MAD1L1: variants seen among roughly 807,000 people sequenced by gnomAD.
MAD1L1 encodes the protein mitotic spindle assembly checkpoint protein MAD1.
MAD1L1 carries 95 observed loss-of-function variants against 96.9 expected under a neutral mutation model. The ratio of observed to expected loss-of-function variants is 0.98; its 90% CI spans 0.83 to 1.16. The LOEUF is 1.16. Among genes scored for constraint, MAD1L1 ranks in the 50% most tolerant of loss-of-function variants. MAD1L1 has a pLI of 0.00. For synonymous variants in MAD1L1, 473 were observed against 396.6 expected (o/e 1.19, Z -2.29); for missense variants, 1,007 against 954.4 (o/e 1.06, Z -0.73).
chr7:1,902,710 C>T (rs1787323624), intron 17 of MAD1L1, among the ~76,000 whole-genome samples: 1 of 152,268 alleles, frequency 6.6e-6, no homozygotes, highest in South Asian at 2.1e-4. Flanking sequence ...CGCTGTACGT[C>T]CTGCAGTGGG....
chr7:1,918,007 G>A (rs1788522047), intron 17 of MAD1L1, among the ~76,000 whole-genome samples: 1 of 152,120 alleles, frequency 6.6e-6, no homozygotes, highest in Non-Finnish European at 1.5e-5. Flanking sequence ...AGGGGCCCAG[G>A]CAGCGCTGTA....
intron 18 of MAD1L1, chr7:1,847,731 C>T (rs932634908): frequency 4.3e-5 from 20 of 469,528 alleles, no homozygotes; most frequent in South Asian, 2.6e-4. Flanking sequence ...GCTTCGGCGT[C>T]CCTGGGCCCG....
intron 18 of MAD1L1, chr7:1,838,833 C>T (rs1783075861): frequency 2.1e-6 from 1 of 471,362 alleles, no homozygotes; most frequent in African/African-American, 2.0e-5. Context: ...TCCTGCCATC[C>T]ACAGTCCCTG....
intron 18 of MAD1L1, among the ~76,000 whole-genome samples, chr7:1,834,620 T>C (rs1271635539): frequency 1.3e-5 from 2 of 152,234 alleles, no homozygotes; most frequent in Non-Finnish European, 2.9e-5. Flanking sequence ...AAGACACCGA[T>C]GTGTAGTTAA....
chr7:1,823,211 G>GT (rs773753048), intron 18 of MAD1L1, among the ~76,000 whole-genome samples: 2 of 151,964 alleles, frequency 1.3e-5, no homozygotes, highest in Non-Finnish European at 2.9e-5. Flanking sequence ...GACACACTTA[G>GT]TTAAAAAAAA....
Position 2,222,687 on chromosome 7 carries a change from G to A in MAD1L1, c.359C>T (p.Ala120Val), listed in dbSNP as rs1005502720. The change falls in exon 5 of 19, where the codon GCG (alanine) becomes GTG (valine). Residue 120 changes from alanine to valine, a missense_variant. By Grantham distance (64) the Ala-to-Val change is moderately conservative. Transcript: ENST00000265854. ...IRQLQEREAGAEEKMQEQLER... is the reference protein window; with the variant it reads ...IRQLQEREAGVEEKMQEQLER... Reference sequence around the variant, plus strand: ...CAGCTGCTCCTGCATCTTCTCCTCCGCCCCGGCCTCCCGCTCCTGAAGCTG... The same window carrying A: ...CAGCTGCTCCTGCATCTTCTCCTCCACCCCGGCCTCCCGCTCCTGAAGCTG... 20 of 1,612,044 alleles carry A rather than the reference G, an allele frequency of 1.2e-5. No individual in the cohort carries two copies. The highest frequency in any genetic ancestry group is 3.3e-4 in the Middle Eastern group (2 of 6,078).
chr7:1,962,449 T>C (rs781570310), intron 15 of MAD1L1, among the ~76,000 whole-genome samples: 4 of 152,186 alleles, frequency 2.6e-5, no homozygotes, highest in African/African-American at 7.2e-5. Context: ...ACAGAAAACA[T>C]TGAAAAATTG....
intron 10 of MAD1L1, among the ~76,000 whole-genome samples, chr7:2,152,460 A>G (rs1230366419): frequency 6.6e-6 from 1 of 152,214 alleles, no homozygotes; most frequent in Non-Finnish European, 1.5e-5. Context: ...AAGCCTCACG[A>G]GCCCTGTCTG....
chr7:1,915,671 T>C (rs1788339666), intron 17 of MAD1L1, among the ~76,000 whole-genome samples: 1 of 152,226 alleles, frequency 6.6e-6, no homozygotes, highest in Non-Finnish European at 1.5e-5. Context: ...TGTTCAGCGT[T>C]GAGTGCTTTT....
intron 15 of MAD1L1, among the ~76,000 whole-genome samples, chr7:1,965,326 G>A (rs548660872): frequency 2.0e-4 from 30 of 152,328 alleles, no homozygotes; most frequent in Non-Finnish European, 3.4e-4. Flanking sequence ...ACAAAGCCGC[G>A]CAGACATGGC....
intron 10 of MAD1L1, among the ~76,000 whole-genome samples, chr7:2,206,140 T>A (rs1282148993): frequency 6.6e-6 from 1 of 152,020 alleles, no homozygotes; most frequent in Non-Finnish European, 1.5e-5. Context: ...TCCAAAAAAA[T>A]AAATAAATAA....
At chr7:2,225,339 G>T in intron 4 of MAD1L1, 71 bp downstream of exon 4, 1 of 1,546,998 alleles carries the variant, frequency 6.5e-7, no homozygotes. Flanking sequence ...CTTATAACCT[G>T]GCAGGTACCG....
chr7:1,958,517 C>A (rs1338710669), intron 15 of MAD1L1, among the ~76,000 whole-genome samples: 2 of 152,208 alleles, frequency 1.3e-5, no homozygotes, highest in Non-Finnish European at 2.9e-5. Context: ...GGCGTCCCAG[C>A]ACACCACAAC....
chr7:2,116,703 A>T (rs2398706), intron 11 of MAD1L1, among the ~76,000 whole-genome samples: 52,947 of 151,992 alleles, frequency 0.35, 10,553 homozygotes, highest in East Asian at 0.51. Context: ...CCAGAGAAGA[A>T]GCCTGAGGAA....
In MAD1L1 at chr7:2,218,116, C is replaced by A. The variant is rs1793391485; in HGVS notation, c.597-73G>T. ...GCCAACAATTCTCCTCAGCCTGAGA[C>A]CCGCCCCAGCACAGACCCACATACG... On this transcript the variant is annotated intron_variant, in intron 6 of 18. Transcript: ENST00000265854. The A allele has an allele frequency of 2.6e-6, 3 of 1,160,502 alleles. No homozygotes were observed. In the South Asian group the frequency reaches 3.7e-5, roughly 14 times the overall value. 71.9% of individuals were successfully genotyped at this position (1,160,502 alleles called of 1,614,324 possible).
intron 12 of MAD1L1, among the ~76,000 whole-genome samples, chr7:2,025,391 C>T (rs995219232): frequency 2.6e-5 from 4 of 152,154 alleles, no homozygotes; most frequent in Non-Finnish European, 5.9e-5. Flanking sequence ...ATGATAGGTT[C>T]AAAGGGTTGT....
At chr7:2,040,273 G>A (rs552071931) in intron 12 of MAD1L1, among the ~76,000 whole-genome samples, 12 of 152,310 alleles carry the variant, frequency 7.9e-5, no homozygotes, top group Non-Finnish European at 1.6e-4. Context: ...TTTTGAAGAC[G>A]CTGCCTGCTG....
chr7:2,131,568 C>T (rs1196373887), intron 11 of MAD1L1, among the ~76,000 whole-genome samples: 2 of 152,246 alleles, frequency 1.3e-5, no homozygotes, highest in African/African-American at 4.8e-5. Flanking sequence ...TCTGCGCAGG[C>T]ACTGATGGTG....
At chr7:1,844,653 G>T (rs1029265191) in intron 18 of MAD1L1, among the ~76,000 whole-genome samples, 4 of 152,200 alleles carry the variant, frequency 2.6e-5, no homozygotes, top group Non-Finnish European at 5.9e-5. Flanking sequence ...AAGCTGGGGG[G>T]AGTCCAGGGC....
Sources: gnomAD v4.1 joint callset for allele counts (sites outside exome capture counted in the v4.1 genomes callset) on GRCh38, gnomAD v4.1.1 for gene constraint, MANE v1.5 for transcripts, NCBI Gene and HGNC (gene_info 2026-07-23, HGNC 2026-07-21) for gene names.